MAPK9: variants seen among roughly 807,000 people sequenced by gnomAD.
MAPK9 encodes the protein Jun kinase.
Under a neutral mutation model 57.1 loss-of-function variants are expected in MAPK9, and 30 were observed. The ratio of observed to expected loss-of-function variants is 0.53; its 90% CI spans 0.39 to 0.71. MAPK9 has a LOEUF of 0.71. MAPK9 is among the 30% of genes least tolerant of loss of function. The pLI is 0.00. For synonymous variants in MAPK9, 155 were observed against 177.0 expected (o/e 0.88, Z 0.99); for missense variants, 362 against 521.0 (o/e 0.69, Z 2.97).
chr5:180,238,230 G>A lies in MAPK9; in HGVS notation c.1132+102C>T, dbSNP rs188200880. 1,291 of 819,638 alleles carry A rather than the reference G, an allele frequency of 1.6e-3. 13 individuals carry two copies. The African/African-American group carries it at 0.02, about 13-fold the overall frequency. The allele number at this position is 819,638 out of a possible 1,614,324, so 50.8% of individuals were successfully genotyped here. On this transcript the variant is annotated intron_variant, in intron 11 of 11. Coordinates refer to ENST00000452135, the MANE Select transcript of MAPK9 (RefSeq NM_002752.5). ...GGTTGCAGTGAGCAGAGATCGCGCC[G>A]CTGCTCTCCAGCCTGGGCGACAGAA...
At chr5:180,289,179 T>G (rs187746795) in intron 1 of MAPK9, among the ~76,000 whole-genome samples, 1 of 152,332 alleles carries the variant, frequency 6.6e-6, no homozygotes, top group African/African-American at 2.4e-5. Flanking sequence ...TTACTCGCTA[T>G]TAACTGGTTT....
At chr5:180,244,078 G>T (rs781637807) in intron 7 of MAPK9, among the ~76,000 whole-genome samples, 5 of 152,052 alleles carry the variant, frequency 3.3e-5, no homozygotes, top group Non-Finnish European at 5.9e-5. Flanking sequence ...GGAATTCCTG[G>T]CCTCAAGTGA....
At chr5:180,287,064 A>G (rs1419611882) in intron 1 of MAPK9, 1 of 152,224 alleles carries the variant, frequency 6.6e-6, no homozygotes, top group East Asian at 1.9e-4. Flanking sequence ...TGCATATAAC[A>G]TTCCTGAAAA....
At position 180,247,294 on chromosome 5, in the gene MAPK9, TAACA is replaced by T. The variant is rs1758207415; in HGVS notation, c.688+141_688+144del. ...GAACCACTTGGCTTGTGACACTAAT[TAACA>T]AATACAGTAAAGCCCCCCTTAGAAC... On this transcript the variant is annotated intron_variant, in intron 7 of 11. Transcript: ENST00000452135. This position sits in a 1 kb window ranked among gnomAD's most constrained non-coding sequence, Gnocchi z 4.5. 2 of 793,696 alleles carry T rather than the reference TAACA, an allele frequency of 2.5e-6. No homozygotes were observed. Among genetic ancestry groups the T allele is most frequent in the Non-Finnish European group, 4.1e-6 (2 of 492,716 alleles). The allele number at this position is 793,696 out of a possible 1,614,324, so 49.2% of individuals were successfully genotyped here.
intron 6 of MAPK9, 36 bp downstream of exon 6, chr5:180,248,937 A>T: frequency 6.4e-7 from 1 of 1,556,934 alleles, no homozygotes; most frequent in East Asian, 2.3e-5. Flanking sequence ...GCAATTTCTA[A>T]ACATCCCAGC....
At chr5:180,238,290 G>A in intron 11 of MAPK9, 42 bp downstream of exon 11, 2 of 1,526,254 alleles carry the variant, frequency 1.3e-6, no homozygotes, top group Non-Finnish European at 9.0e-7. Context: ...AGTTGAATAG[G>A]GAAAGAAAAA....
chr5:180,252,474 C>T (rs903726452), intron 5 of MAPK9, among the ~76,000 whole-genome samples: 4 of 152,190 alleles, frequency 2.6e-5, no homozygotes, highest in African/African-American at 9.7e-5. Context: ...GTCTCTGCTC[C>T]CCTGAGGCTT....
chr5:180,263,261 A>G (rs181525315), intron 4 of MAPK9, among the ~76,000 whole-genome samples: 2 of 152,146 alleles, frequency 1.3e-5, no homozygotes, highest in East Asian at 3.9e-4. Context: ...CTATCAGCTA[A>G]TACCATGGCT....
chr5:180,246,297 A>G (rs947459257), intron 7 of MAPK9: 1 of 152,218 alleles, frequency 6.6e-6, no homozygotes, highest in Non-Finnish European at 1.5e-5. Flanking sequence ...GAGGCTATGG[A>G]AACTGCTAGA....
intron 2 of MAPK9, among the ~76,000 whole-genome samples, chr5:180,269,889 T>C (rs1023469864): frequency 6.6e-6 from 1 of 152,188 alleles, no homozygotes; most frequent in Non-Finnish European, 1.5e-5. Context: ...AATAACAGTA[T>C]CTAAAAAGAA....
At chr5:180,248,104 C>T (rs761590993) in intron 6 of MAPK9, among the ~76,000 whole-genome samples, 5 of 152,268 alleles carry the variant, frequency 3.3e-5, no homozygotes, top group African/African-American at 1.2e-4. Context: ...AAGGCAGCAG[C>T]ACTCACTGGC....
chr5:180,260,471 G>A (rs1011102525), intron 5 of MAPK9, among the ~76,000 whole-genome samples: 1 of 152,174 alleles, frequency 6.6e-6, no homozygotes, highest in Non-Finnish European at 1.5e-5. Context: ...GCACATGAAT[G>A]AAATGTTATA....
At chr5:180,266,111 C>G (rs966724434) in intron 3 of MAPK9, among the ~76,000 whole-genome samples, 1 of 151,000 alleles carries the variant, frequency 6.6e-6, no homozygotes, top group Non-Finnish European at 1.5e-5. Context: ...AAAAAACCCT[C>G]CTACAAATGC....
intron 1 of MAPK9, among the ~76,000 whole-genome samples, chr5:180,281,044 G>A (rs1042457971): frequency 2.0e-5 from 3 of 152,170 alleles, no homozygotes; most frequent in Non-Finnish European, 4.4e-5. Flanking sequence ...AGAAGCAAAC[G>A]GACCAGTCTT....
intron 7 of MAPK9, 36 bp from the exon 8 acceptor site, chr5:180,242,791 C>G (rs377757994): frequency 6.5e-7 from 1 of 1,531,906 alleles, no homozygotes; most frequent in Non-Finnish European, 9.0e-7. Context: ...AACTGAAGTA[C>G]CTTGTATTCA....
At chr5:180,260,685 A>G (rs7724543) in intron 5 of MAPK9, among the ~76,000 whole-genome samples, 63,076 of 152,040 alleles carry the variant, frequency 0.41, 13,547 homozygotes, top group African/African-American at 0.5. Context: ...TTTTGGATCT[A>G]CAGGTGAATT....
chr5:180,255,184 G>A (rs572106423), intron 5 of MAPK9, among the ~76,000 whole-genome samples: 1 of 152,194 alleles, frequency 6.6e-6, no homozygotes, highest in Non-Finnish European at 1.5e-5. Flanking sequence ...CATGTGAGAG[G>A]GCAGAATAAA....
intron 2 of MAPK9, among the ~76,000 whole-genome samples, chr5:180,270,781 C>T (rs568182148): frequency 1.4e-5 from 2 of 142,498 alleles, no homozygotes; most frequent in South Asian, 2.2e-4. Context: ...AGCCGGGGGT[C>T]GAGACTGCAG....
chr5:180,235,824 T>C lies in MAPK9; in HGVS notation c.*560A>G, dbSNP rs2127571271. On this transcript the variant is annotated 3_prime_UTR_variant, in exon 12 of 12. Transcript: ENST00000452135. ...TATTTATTAAATAGATTTAATTATATGTCTTCTGAAATACAAAAGATAGAA... is the reference window on the plus strand; with the variant it reads ...TATTTATTAAATAGATTTAATTATACGTCTTCTGAAATACAAAAGATAGAA... 6.6e-6 allele frequency: 1 copy of C among 152,664 alleles called. No individual in the cohort carries two copies. Among genetic ancestry groups the C allele is most frequent in the Non-Finnish European group, 1.5e-5 (1 of 68,046 alleles). The allele number at this position is 152,664 out of a possible 1,614,324, so 9.5% of individuals were successfully genotyped here.
Sources: allele counts gnomAD v4.1 joint callset (sites outside exome capture counted in the v4.1 genomes callset), GRCh38; gene constraint gnomAD v4.1.1; non-coding constraint Gnocchi (gnomAD v3.1); transcripts MANE v1.5; gene names NCBI Gene and HGNC (gene_info 2026-07-23, HGNC 2026-07-21).